PES1: variants seen among roughly 807,000 people sequenced by gnomAD.
The protein encoded by PES1 is pescadillo ribosomal biogenesis factor 1.
A neutral mutation model predicts 77.1 loss-of-function variants in PES1; 31 were observed. The ratio of observed to expected loss-of-function variants is 0.40; its 90% confidence interval spans 0.30 to 0.54. PES1 has a LOEUF of 0.54. Ranked by LOEUF, PES1 falls within the 20% of genes least tolerant of loss-of-function variation. The pLI is 0.45. For missense variants in PES1, 658 were observed against 771.7 expected, an observed-to-expected ratio of 0.85 and a Z score of 1.75; for synonymous variants, 282 against 303.0, an observed-to-expected ratio of 0.93 and a Z score of 0.72.
chr22:30,605,027 T>C (rs2087416155), intron 2 of PES1, among the ~76,000 whole-genome samples: 1 of 152,276 alleles, frequency 6.6e-6, no homozygotes, highest in African/African-American at 2.4e-5. Context: ...AGGGTCTCCT[T>C]CTGTCGCCCA....
intron 6 of PES1, among the ~76,000 whole-genome samples, chr22:30,584,027 C>T (rs1384630003): frequency 6.6e-6 from 1 of 152,254 alleles, no homozygotes; most frequent in East Asian, 1.9e-4. Flanking sequence ...GGCATGCAGG[C>T]TGGGTATGGC....
At chr22:30,581,171 C>A in intron 8 of PES1, 70 bp from the exon 9 acceptor site, 1 of 1,397,306 alleles carries the variant, frequency 7.2e-7, no homozygotes, top group Non-Finnish European at 1.0e-6. Flanking sequence ...TGGGGAGGGG[C>A]AGCAGTGACA....
At chr22:30,578,711 G>T in intron 14 of PES1, 126 bp downstream of exon 14, 1 of 1,133,474 alleles carries the variant, frequency 8.8e-7, no homozygotes, top group Non-Finnish European at 1.3e-6. Context: ...GGCCAGGCAG[G>T]CAACCTCAGG....
rs770144286 is a variant in PES1, at chr22:30,587,375, C to G, written c.279G>C (p.Arg93=). ...TCCACTCGCTCTTCCCATAAGCCTTCCGGAGCTTCCGGACGAACACCTGGA... is the reference window on the plus strand; with the variant it reads ...TCCACTCGCTCTTCCCATAAGCCTTGCGGAGCTTCCGGACGAACACCTGGA... The part of the protein sequence containing the change: ...REYKVFVRKL[R]KAYGKSEWNT... The change falls in exon 4 of 15, where the codon CGG becomes CGC. Residue 93 remains arginine, a synonymous_variant. Transcript: ENST00000354694. 2 of 1,613,992 alleles carry G rather than the reference C, an allele frequency of 1.2e-6. No individual in the cohort carries two copies. Among genetic ancestry groups the G allele is most frequent in the Non-Finnish European group, 1.7e-6 (2 of 1,179,902 alleles).
intron 3 of PES1, 73 bp from the exon 4 acceptor site, chr22:30,587,468 A>C (rs2087108934): frequency 7.7e-6 from 9 of 1,161,736 alleles, no homozygotes; most frequent in South Asian, 6.3e-5. Flanking sequence ...TGGAAGATGG[A>C]AACGCAGGGC....
chr22:30,581,091 G>T lies in PES1; in HGVS notation c.833C>A (p.Ala278Asp). The change falls in exon 9 of 15, where the codon GCC becomes GAC. Residue 278 changes from alanine to aspartate, a missense_variant. Transcript: ENST00000354694. Reference sequence around the variant, plus strand: ...CACGCGGGCCAGGCTGGCACTGAGGGCTGCCAGTTTCTACAGGAGAGAAGG... The same window carrying T: ...CACGCGGGCCAGGCTGGCACTGAGGTCTGCCAGTTTCTACAGGAGAGAAGG... Reference protein sequence around the residue: ...DSESCMEKLAALSASLARVVV... With the variant: ...DSESCMEKLADLSASLARVVV... 6.2e-7 allele frequency: 1 copy of T among 1,607,686 alleles called. No individual in the cohort carries two copies. Among genetic ancestry groups the T allele is most frequent in the Non-Finnish European group, 8.5e-7 (1 of 1,177,702 alleles).
At chr22:30,604,360 C>A (rs1047476579) in intron 2 of PES1, among the ~76,000 whole-genome samples, 2 of 152,094 alleles carry the variant, frequency 1.3e-5, no homozygotes, top group Admixed American at 6.6e-5. Context: ...TGGCCAGGCG[C>A]GCTGGCTCAT....
At chr22:30,590,878 C>T (rs932018769) in intron 1 of PES1, among the ~76,000 whole-genome samples, 3 of 152,158 alleles carry the variant, frequency 2.0e-5, no homozygotes, top group Non-Finnish European at 4.4e-5. Context: ...TCTACATCTG[C>T]AACTCAAGGG....
rs773937656 is a variant in PES1, at chr22:30,581,003, A to G, written c.912+9T>C. ...CAGCCCTCCTGCCAGAAGGCAGTGCAGTGCTCACCCCATCGGTGGGAAACT... is the reference window on the plus strand; with the variant it reads ...CAGCCCTCCTGCCAGAAGGCAGTGCGGTGCTCACCCCATCGGTGGGAAACT... On this transcript the variant is annotated intron_variant, in intron 9 of 14. Transcript: ENST00000354694. 29 of 1,609,366 alleles carry G rather than the reference A, an allele frequency of 1.8e-5. No homozygotes were observed. In the Admixed American group the frequency reaches 3.3e-4, roughly 19 times the overall value.
chr22:30,598,620 G>T (rs1456259685), intron 2 of PES1, among the ~76,000 whole-genome samples: 1 of 151,982 alleles, frequency 6.6e-6, no homozygotes, highest in East Asian at 1.9e-4. Context: ...GTAGAAGTTG[G>T]GTTTTGCCAT....
chr22:30,598,175 A>G (rs1215573054), intron 2 of PES1: 4 of 152,126 alleles, frequency 2.6e-5, no homozygotes, highest in African/African-American at 7.2e-5. Flanking sequence ...TTGGGTGTAC[A>G]CTGCGTTTAT....
intron 2 of PES1, among the ~76,000 whole-genome samples, chr22:30,597,151 C>T (rs557748136): frequency 1.6e-4 from 24 of 152,250 alleles, no homozygotes; most frequent in African/African-American, 5.3e-4. Context: ...TCCTCCCTGC[C>T]GCTGTGGGCT....
At chr22:30,606,167 T>G (rs1366102988) in intron 1 of PES1, among the ~76,000 whole-genome samples, 2 of 152,158 alleles carry the variant, frequency 1.3e-5, no homozygotes, top group African/African-American at 4.8e-5. Flanking sequence ...TGAGGTTACT[T>G]TCCGAGTTCT....
upstream of PES1, among the ~76,000 whole-genome samples, chr22:30,594,035 G>C (rs1216531286): frequency 1.3e-5 from 2 of 152,154 alleles, no homozygotes; most frequent in African/African-American, 4.8e-5. Context: ...AGAATGCTTT[G>C]TGCAATACCA....
chr22:30,579,685 G>T, intron 12 of PES1, 66 bp downstream of exon 12: 1 of 1,477,366 alleles, frequency 6.8e-7, no homozygotes, highest in South Asian at 1.2e-5. Context: ...TTTCCACCTT[G>T]GCAGCTAAGG....
At chr22:30,597,876 A>AT (rs1210779167) in intron 2 of PES1, among the ~76,000 whole-genome samples, 2 of 125,080 alleles carry the variant, frequency 1.6e-5, no homozygotes, top group African/African-American at 6.2e-5. Context: ...ACGCAGTTGA[A>AT]GTTTTGTTTT....
chr22:30,598,798 T>C (rs2087305983), intron 2 of PES1, among the ~76,000 whole-genome samples: 2 of 151,154 alleles, frequency 1.3e-5, no homozygotes, highest in Non-Finnish European at 2.9e-5. Flanking sequence ...ATATTGTGTC[T>C]ACATGGTACC....
At chr22:30,606,219 A>G (rs1008401010) in intron 1 of PES1, among the ~76,000 whole-genome samples, 3 of 151,538 alleles carry the variant, frequency 2.0e-5, no homozygotes, top group South Asian at 2.1e-4. Flanking sequence ...TCTCGATTCA[A>G]TCTCATTCTT....
intron 2 of PES1, 139 bp from the exon 3 acceptor site, chr22:30,588,313 G>GTC: frequency 1.1e-6 from 1 of 899,706 alleles, no homozygotes; most frequent in Middle Eastern, 3.1e-4. Flanking sequence ...TAGTACATGA[G>GTC]TCTGACAGTC....
Sources: allele counts gnomAD v4.1 joint callset (sites outside exome capture counted in the v4.1 genomes callset), GRCh38; gene constraint gnomAD v4.1.1; transcripts MANE v1.5; gene names NCBI Gene and HGNC (gene_info 2026-07-23, HGNC 2026-07-21).